The following CDH18 variants were observed in gnomAD, a reference collection of about 807,000 sequenced individuals.
CDH18 encodes the protein cadherin 18.
Under a neutral mutation model 67.9 loss-of-function variants are expected in CDH18, and 31 were observed. The ratio of observed to expected loss-of-function variants is 0.46; its 90% CI spans 0.34 to 0.62. The LOEUF is 0.62. Ranked by LOEUF, CDH18 falls within the 20% of genes least tolerant of loss-of-function variation. CDH18 has a pLI of 0.01. For synonymous variants in CDH18, 362 were observed against 347.2 expected, an observed-to-expected ratio of 1.04 and a Z score of -0.48; for missense variants, 890 against 975.5, an observed-to-expected ratio of 0.91 and a Z score of 1.17.
In CDH18 at chr5:20,235,852, T is replaced by C. The variant is rs147557762; in HGVS notation, c.-518+19592A>G. 1.6e-3 allele frequency among the ~76,000 whole-genome samples: 241 copies of C among 152,254 alleles called. 1 individual carries two copies. The highest frequency in any genetic ancestry group is 6.8e-3 in the Middle Eastern group (2 of 294). On this transcript the variant is annotated intron_variant, in intron 2 of 14. Transcript: ENST00000507958. ...ATGTACATCACAGCACTGTTTGTAA[T>C]AGCAAATCAATGGTGCACTGAATAA...
At chr5:19,540,338 C>A (rs1182310689) in intron 9 of CDH18, among the ~76,000 whole-genome samples, 2 of 152,110 alleles carry the variant, frequency 1.3e-5, no homozygotes, top group African/African-American at 2.4e-5. Flanking sequence ...GCTTTCAGGG[C>A]TGGCATTGAG....
At chr5:20,210,124 T>C (rs940353475) in intron 2 of CDH18, among the ~76,000 whole-genome samples, 2 of 151,828 alleles carry the variant, frequency 1.3e-5, no homozygotes, top group African/African-American at 4.8e-5. Context: ...ATTGATTTTA[T>C]TATTTTCCTC....
chr5:20,459,236 A>G (rs908135069), intron 1 of CDH18, among the ~76,000 whole-genome samples: 5 of 152,312 alleles, frequency 3.3e-5, no homozygotes, highest in African/African-American at 1.2e-4. Flanking sequence ...CATTTCATAA[A>G]CGTGAGCAGC....
chr5:20,547,513 A>G (rs963490942), intron 1 of CDH18, among the ~76,000 whole-genome samples: 1 of 151,718 alleles, frequency 6.6e-6, no homozygotes, highest in African/African-American at 2.4e-5. Flanking sequence ...ATGAGTCGAG[A>G]TCGCACCATT....
chr5:19,717,675 T>C (rs1347956818), intron 5 of CDH18, among the ~76,000 whole-genome samples: 10 of 152,090 alleles, frequency 6.6e-5, no homozygotes, highest in Non-Finnish European at 1.5e-4. Flanking sequence ...TCATCCCAGA[T>C]TTCTCTTGAA....
chr5:19,665,505 C>G (rs1425002193), intron 5 of CDH18, among the ~76,000 whole-genome samples: 1 of 151,964 alleles, frequency 6.6e-6, no homozygotes, highest in African/African-American at 2.4e-5. Context: ...GTTGGTTAGA[C>G]AGTATTAGCT....
chr5:19,928,871 T>C (rs1006644637), intron 2 of CDH18, among the ~76,000 whole-genome samples: 7 of 152,144 alleles, frequency 4.6e-5, no homozygotes, highest in Non-Finnish European at 1.0e-4. Context: ...TTATAGATGA[T>C]GACTAGCAAT....
intron 2 of CDH18, among the ~76,000 whole-genome samples, chr5:20,021,171 T>G (rs1159133289): frequency 6.6e-6 from 1 of 152,110 alleles, no homozygotes; most frequent in Non-Finnish European, 1.5e-5. Flanking sequence ...TTGGAACAGT[T>G]GTATTTACCC....
rs188765591 is a variant in CDH18 at position 19,960,448 on chromosome 5, T to A, written c.-257+20612A>T. On this transcript the variant is annotated intron_variant, in intron 2 of 12. Coordinates refer to ENST00000382275, the MANE Select transcript of CDH18 (RefSeq NM_004934.5). ...CACATCTTGTCCCATTAAAACGTCT[T>A]CAGGGGCAATAACACACATAGAACT... 7.3e-4 allele frequency among the ~76,000 whole-genome samples: 110 copies of A among 151,552 alleles called. 1 individual carries two copies. The highest frequency in any genetic ancestry group is 2.4e-3 in the African/African-American group (101 of 41,302).
In CDH18 at chr5:20,018,923, T is replaced by C. The variant is rs1171978790; in HGVS notation, c.-517-26909A>G. 2.0e-5 allele frequency among the ~76,000 whole-genome samples: 3 copies of C among 150,236 alleles called. 1 individual carries two copies. Among genetic ancestry groups the C allele is most frequent in the African/African-American group, 7.4e-5 (3 of 40,500 alleles). ...CATTCTCCTGCCTCAGCCTCCCGTG[T>C]AGCTGGGACTACAGGCGCGCGCCAC... is the stretch of plus-strand genomic sequence containing the variant. On this transcript the variant is annotated intron_variant, in intron 2 of 14. Transcript: ENST00000507958.
At chr5:20,245,345 CA>C (rs1743296235) in intron 2 of CDH18, among the ~76,000 whole-genome samples, 3 of 151,888 alleles carry the variant, frequency 2.0e-5, no homozygotes, top group Admixed American at 2.0e-4. Context: ...AATCCAAGAA[CA>C]AATATTATGA....
intron 2 of CDH18, among the ~76,000 whole-genome samples, chr5:19,850,774 T>C (rs908272677): frequency 6.6e-6 from 1 of 151,876 alleles, no homozygotes; most frequent in African/African-American, 2.4e-5. Flanking sequence ...TAGAATGATA[T>C]ACATAAACTA....
intron 5 of CDH18, among the ~76,000 whole-genome samples, chr5:19,671,798 A>G (rs1436960686): frequency 6.6e-6 from 1 of 152,112 alleles, no homozygotes; most frequent in Admixed American, 6.6e-5. Flanking sequence ...AATTAAATGC[A>G]AAGACCTAGA....
intron 1 of CDH18, among the ~76,000 whole-genome samples, chr5:20,537,149 TA>T (rs1420459804): frequency 6.6e-6 from 1 of 152,180 alleles, no homozygotes; most frequent in Non-Finnish European, 1.5e-5. Context: ...TGATAACTTG[TA>T]AATAGAGTTT....
At chr5:20,302,180 C>T (rs1430410104) in intron 1 of CDH18, among the ~76,000 whole-genome samples, 1 of 152,054 alleles carries the variant, frequency 6.6e-6, no homozygotes, top group Admixed American at 6.5e-5. Context: ...AATTTCAGTC[C>T]ACATTAAACA....
chr5:19,694,320 T>G (rs1762270177), intron 5 of CDH18, among the ~76,000 whole-genome samples: 1 of 152,132 alleles, frequency 6.6e-6, no homozygotes, highest in African/African-American at 2.4e-5. Flanking sequence ...TCTATAGGGT[T>G]CAAAATTTCT....
At chr5:20,233,334 T>C (rs896843627) in intron 2 of CDH18, among the ~76,000 whole-genome samples, 1 of 148,920 alleles carries the variant, frequency 6.7e-6, no homozygotes, top group African/African-American at 2.5e-5. Flanking sequence ...ACACTGTTTT[T>C]CTCCTATTTA....
intron 2 of CDH18, among the ~76,000 whole-genome samples, chr5:20,243,440 T>C (rs1286879155): frequency 6.6e-6 from 1 of 152,148 alleles, no homozygotes. Context: ...AACAAACCTA[T>C]ATATCAAGAA....
At chr5:19,612,955 A>G (rs1254423809) in intron 5 of CDH18, among the ~76,000 whole-genome samples, 3 of 151,834 alleles carry the variant, frequency 2.0e-5, no homozygotes, top group Non-Finnish European at 4.4e-5. Context: ...CTTGACCAGT[A>G]TGGTGAAACC....
Sources: gnomAD v4.1 joint callset for allele counts (sites outside exome capture counted in the v4.1 genomes callset) on GRCh38, gnomAD v4.1.1 for gene constraint, MANE v1.5 for transcripts, NCBI Gene and HGNC (gene_info 2026-07-23, HGNC 2026-07-21) for gene names.